Variants in CCDC146 observed in about 807,000 individuals in gnomAD.
CCDC146 encodes the protein coiled-coil domain containing 146, also known as coiled-coil domain-containing protein 146.
CCDC146 carries 92 observed loss-of-function variants against 119.3 expected under a neutral mutation model. The observed-to-expected ratio is 0.77, with a 90% confidence interval of 0.65 to 0.92. CCDC146 has a LOEUF of 0.92. Ranked by LOEUF, CCDC146 falls within the 40% of genes least tolerant of loss-of-function variation. The pLI is 0.00. For synonymous variants in CCDC146, 372 were observed against 371.8 expected (o/e 1.00, Z -0.01); for missense variants, 1,000 against 1,103.0 (o/e 0.91, Z 1.32).
intron 2 of CCDC146, among the ~76,000 whole-genome samples, chr7:77,176,020 G>A (rs1791494169): frequency 6.6e-6 from 1 of 151,112 alleles, no homozygotes; most frequent in Non-Finnish European, 1.5e-5. Flanking sequence ...GTCTAGAAAG[G>A]CTTTTAAGGC....
chr7:77,185,844 C>T (rs1318798481), intron 2 of CCDC146, among the ~76,000 whole-genome samples: 2 of 152,066 alleles, frequency 1.3e-5, no homozygotes, highest in Non-Finnish European at 2.9e-5. Flanking sequence ...CAAGATGACA[C>T]AGAGATGGAA....
At chr7:77,227,371 T>TCTCGGCTCACTGCAAG (rs1792534348) in intron 2 of CCDC146, among the ~76,000 whole-genome samples, 1 of 152,216 alleles carries the variant, frequency 6.6e-6, no homozygotes, top group African/African-American at 2.4e-5. Flanking sequence ...AGTGGTGCAA[T>TCTCGGCTCACTGCAAG]CTCGGCTCAC....
At chr7:77,162,702 T>C (rs1791280656) in intron 1 of CCDC146, among the ~76,000 whole-genome samples, 1 of 152,100 alleles carries the variant, frequency 6.6e-6, no homozygotes, top group Admixed American at 6.6e-5. Context: ...TTATAGGGAT[T>C]GCATTGAACC....
chr7:77,161,347 T>C (rs1302648428), intron 1 of CCDC146, among the ~76,000 whole-genome samples: 6 of 151,986 alleles, frequency 3.9e-5, no homozygotes, highest in Non-Finnish European at 8.8e-5. Flanking sequence ...CGTATGTTTA[T>C]TGTGGCATTA....
intron 17 of CCDC146, among the ~76,000 whole-genome samples, chr7:77,291,541 CAA>C (rs1184417770): frequency 6.6e-6 from 1 of 152,062 alleles, no homozygotes; most frequent in African/African-American, 2.4e-5. Context: ...TCCATCTCTA[CAA>C]AAAATACAAA....
At chr7:77,163,951 C>T (rs1340419795) in intron 1 of CCDC146, among the ~76,000 whole-genome samples, 7 of 149,706 alleles carry the variant, frequency 4.7e-5, no homozygotes, top group Non-Finnish European at 8.9e-5. Context: ...CCTCCACCTG[C>T]GGGGTTCAAG....
At chr7:77,194,518 C>A in intron 2 of CCDC146, 1 of 151,872 alleles carries the variant, frequency 6.6e-6, no homozygotes. Flanking sequence ...TAACTGAAAG[C>A]TTTGGGTTAT....
chr7:77,144,060 A>C (rs927013505), intron 1 of CCDC146, among the ~76,000 whole-genome samples: 10 of 151,672 alleles, frequency 6.6e-5, no homozygotes, highest in Non-Finnish European at 1.2e-4. Flanking sequence ...ATGGAATGTT[A>C]TTCCATTTGT....
intron 2 of CCDC146, among the ~76,000 whole-genome samples, chr7:77,190,442 A>G (rs1584055207): frequency 6.6e-6 from 1 of 152,322 alleles, no homozygotes; most frequent in South Asian, 2.1e-4. Flanking sequence ...AGACTTTAGA[A>G]CTGATACTGG....
At chr7:77,258,857 TG>T in intron 6 of CCDC146, 137 bp from the exon 7 acceptor site, 1 of 633,288 alleles carries the variant, frequency 1.6e-6, no homozygotes, top group Non-Finnish European at 2.8e-6. Flanking sequence ...GAGTATTAAA[TG>T]GGATAATTAA....
At position 77,294,964 on chromosome 7, in the gene CCDC146, T is replaced by C; in HGVS notation, c.*98T>C. On this transcript the variant is annotated 3_prime_UTR_variant, in exon 19 of 19. Coordinates refer to ENST00000285871, the MANE Select transcript of CCDC146 (RefSeq NM_020879.3). The stretch of plus-strand genomic sequence containing the variant: ...GTGAGCATAATACTTCTAATATTAT[T>C]GATAAGTAAGGTAACCACAATTAGT... 2.1e-6 allele frequency: 2 copies of C among 957,514 alleles called. No individual in the cohort carries two copies. The highest frequency in any genetic ancestry group is 3.1e-6 in the Non-Finnish European group (2 of 651,416). The allele number at this position is 957,514 out of a possible 1,614,324, so 59.3% of individuals were successfully genotyped here.
At chr7:77,243,681 GA>G (rs1263972880) in intron 4 of CCDC146, among the ~76,000 whole-genome samples, 3 of 151,988 alleles carry the variant, frequency 2.0e-5, no homozygotes, top group Admixed American at 2.0e-4. Flanking sequence ...TTCTACTTAT[GA>G]AAAAAATATT....
chr7:77,217,562 TAG>T (rs34086605), intron 2 of CCDC146, among the ~76,000 whole-genome samples: 24,196 of 147,142 alleles, frequency 0.16, 2,607 homozygotes, highest in South Asian at 0.23. Flanking sequence ...TATATATATA[TAG>T]AGAGAGAGAG....
chr7:77,260,321 T>C (rs1000611171), intron 8 of CCDC146, 85 bp downstream of exon 8: 9 of 908,152 alleles, frequency 9.9e-6, no homozygotes, highest in Non-Finnish European at 9.8e-6. Flanking sequence ...CACTTTGGTG[T>C]TGAGTTAATA....
chr7:77,139,891 C>CTTTA (rs1554345858), intron 1 of CCDC146, among the ~76,000 whole-genome samples: 2 of 150,778 alleles, frequency 1.3e-5, no homozygotes, highest in African/African-American at 4.9e-5. Flanking sequence ...TCCTTTCTTT[C>CTTTA]TTTATTTCTT....
intron 17 of CCDC146, 88 bp from the exon 18 acceptor site, chr7:77,292,864 C>T (rs1226504872): frequency 2.1e-6 from 3 of 1,404,426 alleles, no homozygotes; most frequent in African/African-American, 1.4e-5. Flanking sequence ...CAAAAATGCA[C>T]CCCGCCATTA....
chr7:77,156,663 T>G (rs1791183041), intron 1 of CCDC146, among the ~76,000 whole-genome samples: 1 of 152,236 alleles, frequency 6.6e-6, no homozygotes, highest in Admixed American at 6.5e-5. Flanking sequence ...ATTGTATAAT[T>G]GTACTTAGAA....
At chr7:77,283,837 T>C (rs1793804059) in intron 15 of CCDC146, among the ~76,000 whole-genome samples, 1 of 152,222 alleles carries the variant, frequency 6.6e-6, no homozygotes, top group African/African-American at 2.4e-5. Flanking sequence ...ATATGCTGTA[T>C]AGATAATAGC....
rs1794013088 is a variant in CCDC146, at chr7:77,294,676, C to T, written c.2678C>T (p.Ala893Val). 8 of 1,613,992 alleles carry T rather than the reference C, an allele frequency of 5.0e-6. No individual in the cohort carries two copies. Among genetic ancestry groups the T allele is most frequent in the Non-Finnish European group, 6.8e-6 (8 of 1,179,970 alleles). ...IAEKSQEFLE[A>V]DNRQLPNGVY... ...CATTCTTTGCAGGAGTTCTTGGAAG[C>T]AGATAATCGCCAGCTGCCCAATGGT... is the stretch of plus-strand genomic sequence containing the variant. Residue 893 changes from alanine (A) to valine (V), a missense_variant, in exon 19 of 19, where the codon GCA becomes GTA. By Grantham distance (64) the Ala-to-Val change is moderately conservative. Around this residue, in one of 2 missense-constraint regions of CCDC146, gnomAD observed 985 missense variants for 1,045.3 expected, o/e 0.94. Transcript: ENST00000285871.
Sources: gnomAD v4.1 joint callset for allele counts (sites outside exome capture counted in the v4.1 genomes callset) on GRCh38, gnomAD v4.1.1 for gene constraint, gnomAD v4.1.1 regional missense constraint, MANE v1.5 for transcripts, NCBI Gene and HGNC (gene_info 2026-07-23, HGNC 2026-07-21) for gene names.